MAN1C1: variants seen among roughly 807,000 people sequenced by gnomAD.
MAN1C1 encodes the protein mannosidase alpha class 1C member 1.
In MAN1C1, 49 loss-of-function variants were observed where a neutral mutation model predicts 71.5. The observed-to-expected ratio is 0.69, with a 90% CI of 0.54 to 0.87. The LOEUF is 0.87. Among genes scored for constraint, MAN1C1 ranks in the 40% least tolerant of loss-of-function variants. The pLI, the probability that MAN1C1 is intolerant of heterozygous loss-of-function variation, is 0.00. For missense variants in MAN1C1, 743 were observed against 835.0 expected, an observed-to-expected ratio of 0.89 and a Z score of 1.36; for synonymous variants, 352 against 343.7, an observed-to-expected ratio of 1.02 and a Z score of -0.27.
chr1:25,726,794 G>A (rs373833094), intron 2 of MAN1C1, among the ~76,000 whole-genome samples: 5 of 151,674 alleles, frequency 3.3e-5, no homozygotes, highest in African/African-American at 7.3e-5. Context: ...GATGGCTCAC[G>A]TCTGTAATCC....
chr1:25,732,143 A>G (rs2124302830), intron 2 of MAN1C1, among the ~76,000 whole-genome samples: 1 of 152,178 alleles, frequency 6.6e-6, no homozygotes, highest in Middle Eastern at 3.4e-3. Context: ...TCCTAGGGAG[A>G]GGCGGCAGCT....
chr1:25,637,342 G>T (rs902246736), intron 1 of MAN1C1, among the ~76,000 whole-genome samples: 2 of 151,876 alleles, frequency 1.3e-5, no homozygotes, highest in African/African-American at 4.8e-5. Flanking sequence ...TTAAGATAGG[G>T]ACTCTTTGAT....
chr1:25,657,295 C>T (rs1557751940), intron 1 of MAN1C1, among the ~76,000 whole-genome samples: 6 of 152,206 alleles, frequency 3.9e-5, no homozygotes. Flanking sequence ...CTGCCCTTCC[C>T]CACGCCTTTC....
intron 6 of MAN1C1, chr1:25,761,103 G>A (rs973821984): frequency 6.6e-6 from 1 of 152,190 alleles, no homozygotes; most frequent in Non-Finnish European, 1.5e-5. Flanking sequence ...TGAGATTCAG[G>A]TTTCTTGTCT....
intron 1 of MAN1C1, among the ~76,000 whole-genome samples, chr1:25,666,358 C>A (rs1252992550): frequency 6.6e-6 from 1 of 152,208 alleles, no homozygotes; most frequent in East Asian, 1.9e-4. Context: ...TGAATTCCAG[C>A]TAATGAGCCT....
At chr1:25,748,588 C>A (rs2047170016) in intron 3 of MAN1C1, among the ~76,000 whole-genome samples, 1 of 152,188 alleles carries the variant, frequency 6.6e-6, no homozygotes, top group Admixed American at 6.5e-5. Flanking sequence ...GGTGCCAAAG[C>A]CAGGTCAGTG....
At chr1:25,637,727 A>G (rs1370599438) in intron 1 of MAN1C1, among the ~76,000 whole-genome samples, 1 of 151,036 alleles carries the variant, frequency 6.6e-6, no homozygotes, top group African/African-American at 2.4e-5. Flanking sequence ...TTTTATATTT[A>G]TGTTATTAGA....
rs1299938953 is a variant in MAN1C1 at position 25,782,468 on chromosome 1, G to A, written c.1651-117G>A. 2 of 652,498 alleles carry A rather than the reference G, an allele frequency of 3.1e-6. No individual in the cohort carries two copies. Among genetic ancestry groups the A allele is most frequent in the Non-Finnish European group, 5.5e-6 (2 of 363,016 alleles). The allele number at this position is 652,498 out of a possible 1,614,324, so 40.4% of individuals were successfully genotyped here. A position where few individuals can be genotyped will look rare whatever the true frequency, so the allele number is the denominator to read the frequency against. On this transcript the variant is annotated intron_variant, in intron 10 of 11. Transcript: ENST00000374332. The surrounding 1 kb of genome is among the most constrained non-coding windows in gnomAD (Gnocchi z 4.4). ...CAAATGCCAGGAGTCCCCAGCCAAGGGGTGGGGGTGCTGTCTGCTTTCTTC... is the reference window on the plus strand; with the variant it reads ...CAAATGCCAGGAGTCCCCAGCCAAGAGGTGGGGGTGCTGTCTGCTTTCTTC...
At chr1:25,661,289 C>G (rs978343966) in intron 1 of MAN1C1, among the ~76,000 whole-genome samples, 1 of 152,222 alleles carries the variant, frequency 6.6e-6, no homozygotes, top group African/African-American at 2.4e-5. Context: ...ATTTCATTCA[C>G]TGACTCATTT....
intron 7 of MAN1C1, among the ~76,000 whole-genome samples, chr1:25,767,650 CCCA>C (rs1572206619): frequency 4.4e-5 from 6 of 135,536 alleles, no homozygotes; most frequent in Admixed American, 7.3e-5. Context: ...ACACACTCCC[CCCA>C]CACACAGACC....
chr1:25,623,766 T>A (rs1420759808), intron 1 of MAN1C1, among the ~76,000 whole-genome samples: 1 of 152,168 alleles, frequency 6.6e-6, no homozygotes, highest in East Asian at 1.9e-4. Flanking sequence ...GCATCCTAAG[T>A]TGAATCTGTG....
In MAN1C1 at chr1:25,783,799, C is replaced by T; in HGVS notation, c.*10C>T. On this transcript the variant is annotated 3_prime_UTR_variant, in exon 12 of 12. Coordinates refer to ENST00000374332, the MANE Select transcript of MAN1C1 (RefSeq NM_020379.4). ...CTGGGGCAGACACTGACCCCATCTC[C>T]TGCCGCCGCCCTGGGGCCGCCGCAG... The T allele has an allele frequency of 6.2e-7, 1 of 1,607,912 alleles. No individual in the cohort carries two copies. The highest frequency in any genetic ancestry group is 8.5e-7 in the Non-Finnish European group (1 of 1,179,286).
In MAN1C1 at chr1:25,775,539, AC is replaced by A. The variant is rs2047608249; in HGVS notation, c.1258-2565del. ...CTGGTGGCTTCTGCTGTCACACGGC[AC>A]TCAGAGTCTGAGAGAGAGACAGATA... On this transcript the variant is annotated intron_variant, in intron 8 of 11. Transcript: ENST00000374332. The surrounding 1 kb of genome is among the most constrained non-coding windows in gnomAD (Gnocchi z 5.1). 6.6e-6 allele frequency among the ~76,000 whole-genome samples: 1 copy of A among 152,164 alleles called. No individual in the cohort carries two copies. Among genetic ancestry groups the A allele is most frequent in the Non-Finnish European group, 1.5e-5 (1 of 68,010 alleles).
intron 8 of MAN1C1, 96 bp downstream of exon 8, chr1:25,771,868 G>A: frequency 1.1e-6 from 1 of 886,330 alleles, no homozygotes; most frequent in Non-Finnish European, 1.8e-6. Flanking sequence ...GGGCCAGATG[G>A]GCCGAGACTT....
chr1:25,761,620 C>CTTTTTTTTTTTTT lies in MAN1C1; in HGVS notation c.1048-2245_1048-2233dup, dbSNP rs71014385. ...ACCATTCTACTCTCTACCTCTACTT[C>CTTTTTTTTTTTTT]TTTTTTTTTTTTTTTTTTTTTGAGA... On this transcript the variant is annotated intron_variant, in intron 6 of 11. Coordinates refer to ENST00000374332, the MANE Select transcript of MAN1C1 (RefSeq NM_020379.4). 23 of 95,816 alleles carry CTTTTTTTTTTTTT rather than the reference C, an allele frequency of 2.4e-4. 1 individual carries two copies. Among genetic ancestry groups the CTTTTTTTTTTTTT allele is most frequent in the African/African-American group, 3.5e-4 (8 of 23,050 alleles). 5.9% of individuals were successfully genotyped at this position (95,816 alleles called of 1,614,324 possible). A position where few individuals can be genotyped will look rare whatever the true frequency, so the allele number is the denominator to read the frequency against.
intron 2 of MAN1C1, among the ~76,000 whole-genome samples, chr1:25,710,928 C>T (rs1439423966): frequency 3.9e-5 from 6 of 152,308 alleles, no homozygotes; most frequent in South Asian, 4.1e-4. Flanking sequence ...CTCTAGGCCT[C>T]GGGGTCCTCA....
At chr1:25,773,835 G>A (rs2047585468) in intron 8 of MAN1C1, among the ~76,000 whole-genome samples, 3 of 152,236 alleles carry the variant, frequency 2.0e-5, no homozygotes, top group Admixed American at 2.0e-4. Flanking sequence ...GACCCTGGGT[G>A]AAGGCTGGGC....
rs115065140 is a variant in MAN1C1, at chr1:25,718,483, T to C, written c.638-28185T>C. On this transcript the variant is annotated intron_variant, in intron 2 of 11. Transcript: ENST00000374332. ...TACATTGCCATAAAAGGTTGCCAAT[T>C]GTAATGTACTATTCAGTAGGTTTCA... 9.8e-3 allele frequency among the ~76,000 whole-genome samples: 1,486 copies of C among 152,348 alleles called. 27 individuals carry two copies. Among genetic ancestry groups the C allele is most frequent in the African/African-American group, 0.032 (1,322 of 41,578 alleles).
At chr1:25,622,490 G>A (rs559481672) in intron 1 of MAN1C1, among the ~76,000 whole-genome samples, 91 of 152,330 alleles carry the variant, frequency 6.0e-4, no homozygotes, top group African/African-American at 2.1e-3. Flanking sequence ...AGTGGCTAAG[G>A]CTGGGTCTTC....
Sources: gnomAD v4.1 joint callset for allele counts (sites outside exome capture counted in the v4.1 genomes callset) on GRCh38, gnomAD v4.1.1 for gene constraint, Gnocchi (gnomAD v3.1) non-coding constraint, MANE v1.5 for transcripts, NCBI Gene and HGNC (gene_info 2026-07-23, HGNC 2026-07-21) for gene names.